The following ST3GAL3 variants were observed in gnomAD, a reference collection of about 807,000 sequenced individuals.
ST3GAL3 encodes ST3 beta-galactoside alpha-2,3-sialyltransferase 3.
Under a neutral mutation model 50.1 loss-of-function variants are expected in ST3GAL3, and 21 were observed. The observed-to-expected ratio is 0.42, with a 90% CI of 0.30 to 0.60. The LOEUF is 0.60. ST3GAL3 is among the 20% of genes least tolerant of loss of function. The pLI is 0.19. For synonymous variants in ST3GAL3, 183 were observed against 190.0 expected, an observed-to-expected ratio of 0.96 and a Z score of 0.30; for missense variants, 353 against 489.4, an observed-to-expected ratio of 0.72 and a Z score of 2.63.
intron 5 of ST3GAL3, chr1:43,850,449 A>G: frequency 1.7e-6 from 1 of 592,330 alleles, no homozygotes; most frequent in South Asian, 1.4e-5. Context: ...CTGGATCTGC[A>G]GGGTTAGCTC....
chr1:43,850,960 C>G (rs2067181944), intron 5 of ST3GAL3: 7 of 978,536 alleles, frequency 7.2e-6, no homozygotes, highest in Non-Finnish European at 1.2e-5. Context: ...ATCGTGCGGA[C>G]TTGGCAGCCT....
intron 4 of ST3GAL3, among the ~76,000 whole-genome samples, chr1:43,830,036 C>A (rs1412655348): frequency 2.5e-5 from 2 of 78,922 alleles, no homozygotes; most frequent in African/African-American, 4.5e-5. Flanking sequence ...GAGACAGGGT[C>A]TTGCTTTGTC....
chr1:43,753,185 C>T (rs1686817937), intron 2 of ST3GAL3, among the ~76,000 whole-genome samples: 1 of 152,152 alleles, frequency 6.6e-6, no homozygotes, highest in Non-Finnish European at 1.5e-5. Context: ...AGAGTATATT[C>T]CAGAGAACTG....
chr1:43,726,474 G>A (rs1351282546), intron 1 of ST3GAL3, among the ~76,000 whole-genome samples: 5 of 151,958 alleles, frequency 3.3e-5, no homozygotes, highest in African/African-American at 9.7e-5. Flanking sequence ...TTTTCTAGAG[G>A]TGGAATTTTG....
intron 5 of ST3GAL3, among the ~76,000 whole-genome samples, chr1:43,868,753 G>C (rs1461359223): frequency 3.3e-5 from 5 of 151,620 alleles, no homozygotes; most frequent in African/African-American, 1.2e-4. Context: ...TTTCTCCCAC[G>C]CCTTCTGTTC....
rs370410148 is a variant in ST3GAL3, at chr1:43,917,738, G to A, written c.745-2666G>A. Among the ~76,000 whole-genome samples, 67 of 136,220 alleles carry A rather than the reference G, an allele frequency of 4.9e-4. No individual in the cohort carries two copies. In the East Asian group the frequency reaches 0.013, roughly 26 times the overall value. 89.4% of individuals were successfully genotyped at this position (136,220 alleles called of 152,430 possible). ...CGCTGGAGTACAGTGGTGCCATCTC[G>A]GCCCACTGCGACCTCTGTCCCCAGG... On this transcript the variant is annotated intron_variant, in intron 9 of 11. Transcript: ENST00000347631.
chr1:43,807,643 A>G (rs2060060814), intron 3 of ST3GAL3, among the ~76,000 whole-genome samples: 1 of 152,200 alleles, frequency 6.6e-6, no homozygotes, highest in Non-Finnish European at 1.5e-5. Context: ...AGACCTGGCT[A>G]TAACAGGAGG....
intron 1 of ST3GAL3, among the ~76,000 whole-genome samples, chr1:43,720,729 T>G (rs147542486): frequency 6.6e-6 from 1 of 152,306 alleles, no homozygotes; most frequent in Non-Finnish European, 1.5e-5. Flanking sequence ...CAACACATGC[T>G]TTTTTGGGGG....
At chr1:43,841,869 A>G (rs1174742482) in intron 5 of ST3GAL3, 3 of 152,200 alleles carry the variant, frequency 2.0e-5, no homozygotes, top group South Asian at 2.1e-4. Context: ...TCCCTTTTAA[A>G]TATAAATTCC....
At chr1:43,908,049 G>A (rs1032181704) in intron 9 of ST3GAL3, among the ~76,000 whole-genome samples, 2 of 152,176 alleles carry the variant, frequency 1.3e-5, no homozygotes, top group African/African-American at 4.8e-5. Flanking sequence ...CATCCAGTGA[G>A]CATTTACTGT....
rs193139157 is a variant in ST3GAL3 at position 43,849,958 on chromosome 1, A to G, written c.302+11647A>G. On this transcript the variant is annotated intron_variant, in intron 5 of 11. Transcript: ENST00000347631. ...AAGGAAAGCCTAGGGAGAGTAAAACACTAGAATCTTTCTAATAGCTCTGCC... is the reference window on the plus strand; with the variant it reads ...AAGGAAAGCCTAGGGAGAGTAAAACGCTAGAATCTTTCTAATAGCTCTGCC... 4.2e-3 allele frequency among the ~76,000 whole-genome samples: 641 copies of G among 152,316 alleles called. 3 individuals are homozygous for G. Among genetic ancestry groups the G allele is most frequent in the Non-Finnish European group, 6.7e-3 (457 of 68,028 alleles).
At chr1:43,711,287 G>A (rs1475442726) in intron 1 of ST3GAL3, among the ~76,000 whole-genome samples, 1 of 152,204 alleles carries the variant, frequency 6.6e-6, no homozygotes, top group African/African-American at 2.4e-5. Flanking sequence ...TCTTAATATG[G>A]TACTGCCATG....
chr1:43,756,703 GT>G (rs1420274965), intron 2 of ST3GAL3, among the ~76,000 whole-genome samples: 1 of 152,074 alleles, frequency 6.6e-6, no homozygotes, highest in Non-Finnish European at 1.5e-5. Context: ...TTGGATAATT[GT>G]TTCTGTATAC....
chr1:43,734,985 G>A (rs12119146), intron 1 of ST3GAL3, among the ~76,000 whole-genome samples: 39,769 of 151,514 alleles, frequency 0.26, 6,583 homozygotes, highest in East Asian at 0.53. Context: ...TAGCAGGGTG[G>A]GTGAATTCCA....
At chr1:43,857,586 C>T (rs7417507) in intron 5 of ST3GAL3, among the ~76,000 whole-genome samples, 57,592 of 85,794 alleles carry the variant, frequency 0.67, 20,427 homozygotes, top group East Asian at 0.76. Flanking sequence ...CTTCCTCCCT[C>T]CCTTCCTTCC....
At chr1:43,924,553 A>G (rs1450770194) in intron 11 of ST3GAL3, among the ~76,000 whole-genome samples, 1 of 152,218 alleles carries the variant, frequency 6.6e-6, no homozygotes, top group Non-Finnish European at 1.5e-5. Context: ...GAGGCCTTAC[A>G]TTAGCATGTA....
At chr1:43,800,749 A>G (rs11210927) in intron 3 of ST3GAL3, among the ~76,000 whole-genome samples, 53,342 of 152,090 alleles carry the variant, frequency 0.35, 10,406 homozygotes, top group East Asian at 0.59. Context: ...ATGAATACAA[A>G]GGAAGATGCT....
intron 2 of ST3GAL3, among the ~76,000 whole-genome samples, chr1:43,774,447 T>G (rs545881017): frequency 5.9e-4 from 90 of 152,274 alleles, no homozygotes; most frequent in African/African-American, 2.1e-3. Flanking sequence ...CTGAGGGAGC[T>G]CCACTCTCTG....
At chr1:43,847,910 A>G (rs886218243) in intron 5 of ST3GAL3, among the ~76,000 whole-genome samples, 1 of 152,152 alleles carries the variant, frequency 6.6e-6, no homozygotes, top group Non-Finnish European at 1.5e-5. Flanking sequence ...ACGTATTTCC[A>G]TATGGTATCC....
Sources: allele counts gnomAD v4.1 joint callset (sites outside exome capture counted in the v4.1 genomes callset), GRCh38; gene constraint gnomAD v4.1.1; transcripts MANE v1.5; gene names NCBI Gene and HGNC (gene_info 2026-07-23, HGNC 2026-07-21).